Variants in SPATA13 observed in about 807,000 individuals in gnomAD.
The protein encoded by SPATA13 is spermatogenesis associated 13.
Under a neutral mutation model 104.0 loss-of-function variants are expected in SPATA13, and 50 were observed. That is an observed-to-expected ratio of 0.48 (90% CI 0.38 to 0.61). SPATA13 has a LOEUF of 0.61. Ranked by LOEUF, SPATA13 falls within the 20% of genes least tolerant of loss-of-function variation. The pLI, the probability that SPATA13 is intolerant of heterozygous loss-of-function variation, is 0.00. For synonymous variants in SPATA13, 606 were observed against 667.5 expected, an observed-to-expected ratio of 0.91 and a Z score of 1.42; for missense variants, 1,524 against 1,690.6, an observed-to-expected ratio of 0.90 and a Z score of 1.73.
At chr13:24,071,783 T>C (rs1285997889) in intron 3 of SPATA13, among the ~76,000 whole-genome samples, 1 of 152,192 alleles carries the variant, frequency 6.6e-6, no homozygotes, top group Non-Finnish European at 1.5e-5. Flanking sequence ...CACTTTGCTG[T>C]TTTTCTGGAT....
intron 2 of SPATA13, among the ~76,000 whole-genome samples, chr13:24,017,306 T>C (rs971273581): frequency 6.6e-6 from 1 of 152,114 alleles, no homozygotes; most frequent in Non-Finnish European, 1.5e-5. Context: ...GTGCAGCAAG[T>C]GAGTGGTGGA....
At chr13:24,077,262 C>CAAAAAAAAAAAAAAAAAAAA (rs60810328) in intron 3 of SPATA13, among the ~76,000 whole-genome samples, 1 of 73,038 alleles carries the variant, frequency 1.4e-5, no homozygotes, top group Non-Finnish European at 2.5e-5. Context: ...GACTCCATGT[C>CAAAAAAAAAAAAAAAAAAAA]AAAAAAAAAA....
rs1345763769 is a variant in SPATA13 at position 24,284,414 on chromosome 13, A to G, written c.2301+143A>G. On this transcript the variant is annotated intron_variant, in intron 5 of 12. Coordinates refer to ENST00000382108, the MANE Select transcript of SPATA13 (RefSeq NM_001166271.3). ...TCTGATTAAAACAACACTGTGATTCACTTTGGAAGGCCAAGGCAGGTGGAT... is the reference window on the plus strand; with the variant it reads ...TCTGATTAAAACAACACTGTGATTCGCTTTGGAAGGCCAAGGCAGGTGGAT... The G allele has an allele frequency of 1.2e-5, 12 of 970,094 alleles. No individual in the cohort carries two copies. In the Admixed American group the frequency reaches 3.5e-4, roughly 28 times the overall value. The allele number at this position is 970,094 out of a possible 1,614,324, so 60.1% of individuals were successfully genotyped here.
chr13:24,054,862 G>A (rs1412263002), intron 3 of SPATA13, among the ~76,000 whole-genome samples: 2 of 152,110 alleles, frequency 1.3e-5, no homozygotes, highest in Non-Finnish European at 2.9e-5. Context: ...AAAAAAAATT[G>A]TGTGACAGAT....
At chr13:24,190,283 A>ATATATATTATTATATACCATATGG (rs1869609464) in intron 1 of SPATA13, among the ~76,000 whole-genome samples, 1 of 12,030 alleles carries the variant, frequency 8.3e-5, no homozygotes, top group African/African-American at 9.3e-5. Context: ...ATTATATATA[A>ATATATATTATTATATACCATATGG]TATATAATAT....
chr13:24,290,454 C>G (rs141884333), intron 8 of SPATA13, among the ~76,000 whole-genome samples, 198 bp from the exon 9 acceptor site: 1 of 152,126 alleles, frequency 6.6e-6, no homozygotes, highest in East Asian at 1.9e-4. Context: ...AGCACCCCTT[C>G]TCGCCGGCCA....
At chr13:24,131,722 G>T (rs140622242) in intron 3 of SPATA13, among the ~76,000 whole-genome samples, 1 of 152,282 alleles carries the variant, frequency 6.6e-6, no homozygotes, top group African/African-American at 2.4e-5. Context: ...TAGGAGTTTT[G>T]CTGAAGGATA....
chr13:24,177,916 G>A lies in SPATA13; in HGVS notation c.-112+16984G>A, dbSNP rs184784198. Among the ~76,000 whole-genome samples, 16 of 150,994 alleles carry A rather than the reference G, an allele frequency of 1.1e-4. 1 individual carries two copies. Among genetic ancestry groups the A allele is most frequent in the Admixed American group, 3.3e-4 (5 of 15,162 alleles). ...TTGTCACCCAGGCTGGAGTATGGTGGTACAATCATGGCTCACTGCTGCATC... is the reference window on the plus strand; with the variant it reads ...TTGTCACCCAGGCTGGAGTATGGTGATACAATCATGGCTCACTGCTGCATC... On this transcript the variant is annotated intron_variant, in intron 1 of 12. Coordinates refer to ENST00000382108, the MANE Select transcript of SPATA13 (RefSeq NM_001166271.3).
rs141863860 is a variant in SPATA13, at chr13:24,072,424, G to A, written c.-112+54723G>A. 1.6e-3 allele frequency among the ~76,000 whole-genome samples: 239 copies of A among 152,310 alleles called. 1 individual carries two copies. The highest frequency in any genetic ancestry group is 5.2e-3 in the African/African-American group (218 of 41,562). On this transcript the variant is annotated intron_variant, in intron 3 of 14. Coordinates refer to the SPATA13 transcript ENST00000424834. ...TGATTAATGTTCGCATTGAGCCTGAGGCAGGTGGATCTTCACAGTATGTGC... is the reference window on the plus strand; with the variant it reads ...TGATTAATGTTCGCATTGAGCCTGAAGCAGGTGGATCTTCACAGTATGTGC...
chr13:24,064,228 A>G (rs925250967), intron 3 of SPATA13, among the ~76,000 whole-genome samples: 1 of 152,188 alleles, frequency 6.6e-6, no homozygotes, highest in Non-Finnish European at 1.5e-5. Flanking sequence ...GTGTAACAAC[A>G]GACAACAAAG....
At chr13:24,004,816 C>A (rs1054359700) in intron 2 of SPATA13, among the ~76,000 whole-genome samples, 4 of 152,122 alleles carry the variant, frequency 2.6e-5, no homozygotes, top group Admixed American at 6.5e-5. Flanking sequence ...CAAAAGGATA[C>A]TCAGCAAAAT....
intron 2 of SPATA13, among the ~76,000 whole-genome samples, chr13:24,228,108 CTTTTTTTT>C (rs71186818): frequency 3.9e-4 from 40 of 102,260 alleles, no homozygotes; most frequent in East Asian, 5.6e-4. Flanking sequence ...CTCTTGTACT[CTTTTTTTT>C]TTTTTTTTTT....
intron 3 of SPATA13, among the ~76,000 whole-genome samples, chr13:24,129,912 C>A (rs1432511554): frequency 6.6e-6 from 1 of 152,136 alleles, no homozygotes; most frequent in African/African-American, 2.4e-5. Flanking sequence ...CTCGCAGGAC[C>A]CTGGGGTCCC....
intron 3 of SPATA13, among the ~76,000 whole-genome samples, chr13:24,032,578 G>A (rs1054684593): frequency 1.3e-5 from 2 of 152,278 alleles, no homozygotes; most frequent in African/African-American, 2.4e-5. Flanking sequence ...TGCAAGGAAA[G>A]GTTCCTTCCC....
intron 3 of SPATA13, among the ~76,000 whole-genome samples, chr13:24,071,993 G>C (rs1216257273): frequency 2.6e-5 from 4 of 152,156 alleles, no homozygotes; most frequent in Non-Finnish European, 5.9e-5. Context: ...ACATGTGCTT[G>C]CTGTATTAAT....
chr13:24,241,839 C>T (rs146111126), intron 2 of SPATA13, among the ~76,000 whole-genome samples: 74 of 152,222 alleles, frequency 4.9e-4, no homozygotes, highest in African/African-American at 1.7e-3. Flanking sequence ...ACTGCCTGAG[C>T]CCAGGAGTTT....
intron 1 of SPATA13, among the ~76,000 whole-genome samples, chr13:24,167,290 T>A (rs1002296377): frequency 3.9e-5 from 6 of 152,216 alleles, no homozygotes; most frequent in Non-Finnish European, 8.8e-5. Context: ...GTCTGTTGTG[T>A]AATGAATGCT....
At chr13:24,038,463 G>A (rs894959278) in intron 3 of SPATA13, among the ~76,000 whole-genome samples, 10 of 152,166 alleles carry the variant, frequency 6.6e-5, no homozygotes, top group African/African-American at 1.9e-4. Flanking sequence ...TGCACGCAGC[G>A]GTTAGTACCA....
At chr13:24,148,166 G>C (rs996357202) in intron 3 of SPATA13, among the ~76,000 whole-genome samples, 1 of 152,096 alleles carries the variant, frequency 6.6e-6, no homozygotes, top group Non-Finnish European at 1.5e-5. Flanking sequence ...AGACATTCCT[G>C]CACAGCATTT....
Sources: allele counts gnomAD v4.1 joint callset (sites outside exome capture counted in the v4.1 genomes callset), GRCh38; gene constraint gnomAD v4.1.1; transcripts MANE v1.5; gene names NCBI Gene and HGNC (gene_info 2026-07-23, HGNC 2026-07-21).